The following NECTIN3 variants were observed in gnomAD, a reference collection of about 807,000 sequenced individuals.
NECTIN3 encodes the protein nectin cell adhesion molecule 3.
NECTIN3 carries 8 observed loss-of-function variants against 49.4 expected under a neutral mutation model. The ratio of observed to expected loss-of-function variants is 0.16; its 90% CI spans 0.10 to 0.29. The LOEUF (loss-of-function observed/expected upper bound fraction) is 0.29. Ranked by LOEUF, NECTIN3 falls within the 10% of genes least tolerant of loss-of-function variation. NECTIN3 has a pLI of 1.00. For synonymous variants in NECTIN3, 277 were observed against 241.1 expected (o/e 1.15, Z -1.38); for missense variants, 581 against 654.6 (o/e 0.89, Z 1.23).
At chr3:111,160,678 A>G (rs1285689153) in intron 7 of NECTIN3, among the ~76,000 whole-genome samples, 2 of 152,120 alleles carry the variant, frequency 1.3e-5, no homozygotes, top group Admixed American at 6.5e-5. Flanking sequence ...ATTATTTCTG[A>G]TGGAAAAATT....
chr3:111,094,509 T>G (rs1309647031), intron 1 of NECTIN3, among the ~76,000 whole-genome samples: 1 of 152,164 alleles, frequency 6.6e-6, no homozygotes, highest in Non-Finnish European at 1.5e-5. Flanking sequence ...ACCCTCAGAT[T>G]CAGTAATTCT....
chr3:111,178,827 A>G (rs968570244), intron 7 of NECTIN3, among the ~76,000 whole-genome samples: 2 of 152,226 alleles, frequency 1.3e-5, no homozygotes, highest in African/African-American at 4.8e-5. Flanking sequence ...TTGGAGTTAC[A>G]TAAAGATGAA....
At chr3:111,131,590 A>G (rs1284124918) in intron 5 of NECTIN3, among the ~76,000 whole-genome samples, 1 of 151,968 alleles carries the variant, frequency 6.6e-6, no homozygotes, top group African/African-American at 2.4e-5. Flanking sequence ...CATTTCTAGA[A>G]CCATCAACAA....
chr3:111,082,891 G>T (rs2031706822), intron 1 of NECTIN3, among the ~76,000 whole-genome samples: 1 of 152,130 alleles, frequency 6.6e-6, no homozygotes, highest in Non-Finnish European at 1.5e-5. Flanking sequence ...AGATCATCAG[G>T]CATTAGATTC....
At chr3:111,166,842 T>A (rs538334864) in intron 7 of NECTIN3, among the ~76,000 whole-genome samples, 1 of 152,218 alleles carries the variant, frequency 6.6e-6, no homozygotes, top group African/African-American at 2.4e-5. Flanking sequence ...CTATATACTA[T>A]GTATATGTGA....
At chr3:111,140,553 T>C (rs919507121), downstream of NECTIN3, among the ~76,000 whole-genome samples, 7 of 151,914 alleles carry the variant, frequency 4.6e-5, no homozygotes, top group South Asian at 2.1e-4. Context: ...TAAACTCTTA[T>C]TAGTATATAA....
At chr3:111,108,108 A>T (rs1296850690) in intron 1 of NECTIN3, among the ~76,000 whole-genome samples, 2 of 152,176 alleles carry the variant, frequency 1.3e-5, no homozygotes, top group Non-Finnish European at 2.9e-5. Context: ...TAGAAAGTAA[A>T]AATCACTTAT....
chr3:111,168,317 A>C (rs993956229), intron 7 of NECTIN3, among the ~76,000 whole-genome samples: 7 of 152,204 alleles, frequency 4.6e-5, no homozygotes, highest in African/African-American at 1.4e-4. Flanking sequence ...GGCAGAGAAG[A>C]AGCAGAAGAT....
At chr3:111,186,154 G>A (rs1401721686) in intron 7 of NECTIN3, among the ~76,000 whole-genome samples, 16 of 151,962 alleles carry the variant, frequency 1.1e-4, no homozygotes, top group Non-Finnish European at 2.1e-4. Flanking sequence ...GGATGTGACA[G>A]GGAAGCTGGG....
chr3:111,115,879 T>C (rs998814821), intron 2 of NECTIN3, among the ~76,000 whole-genome samples: 2 of 152,202 alleles, frequency 1.3e-5, no homozygotes, highest in African/African-American at 2.4e-5. Context: ...TGAACAGTAA[T>C]AGCTTTTGAA....
chr3:111,122,455 G>T (rs2033997220), intron 4 of NECTIN3, among the ~76,000 whole-genome samples: 1 of 151,936 alleles, frequency 6.6e-6, no homozygotes, highest in African/African-American at 2.4e-5. Flanking sequence ...GTTTCTTACG[G>T]TTAGTTACAG....
chr3:111,077,343 G>GAAAAAAAAA (rs2031279895), intron 1 of NECTIN3: 5 of 29,688 alleles, frequency 1.7e-4, no homozygotes, highest in Non-Finnish European at 1.7e-3. Context: ...AACTTTAATG[G>GAAAAAAAAA]TAAAAAAAAA....
chr3:111,120,216 T>C (rs1268589658), intron 3 of NECTIN3, among the ~76,000 whole-genome samples: 1 of 152,200 alleles, frequency 6.6e-6, no homozygotes, highest in African/African-American at 2.4e-5. Flanking sequence ...CTTTCCAGTG[T>C]CTAATAATGA....
chr3:111,177,681 T>C (rs1190893500), intron 7 of NECTIN3, among the ~76,000 whole-genome samples: 1 of 152,158 alleles, frequency 6.6e-6, no homozygotes, highest in Non-Finnish European at 1.5e-5. Context: ...TAAAATGGTA[T>C]GAGTGGGTAA....
intron 7 of NECTIN3, among the ~76,000 whole-genome samples, chr3:111,172,930 G>A (rs969739085): frequency 2.0e-5 from 3 of 152,194 alleles, no homozygotes; most frequent in Admixed American, 2.0e-4. Context: ...TGGATAAAAA[G>A]TGATAGAAGA....
intron 1 of NECTIN3, among the ~76,000 whole-genome samples, chr3:111,078,127 T>C (rs1411137124): frequency 1.3e-5 from 2 of 152,204 alleles, no homozygotes; most frequent in Non-Finnish European, 2.9e-5. Context: ...GCACTTTGTA[T>C]TCAAGTGTGA....
At chr3:111,112,813 T>G (rs1324757401) in intron 2 of NECTIN3, among the ~76,000 whole-genome samples, 1 of 152,178 alleles carries the variant, frequency 6.6e-6, no homozygotes. Flanking sequence ...TCCTGCTATT[T>G]TAGATTTGCA....
At position 111,072,002 on chromosome 3, in the gene NECTIN3, G is replaced by C; in HGVS notation, c.-16G>C. ...CGGGGGGCGGGCGGGCGAGCGGGCC[G>C]GGGGGAGGGTGGGGGATGGCGCGGA... On this transcript the variant is annotated 5_prime_UTR_variant, in exon 1 of 6. Transcript: ENST00000485303. The C allele has an allele frequency of 6.8e-7, 1 of 1,472,432 alleles. No homozygotes were observed. 91.2% of individuals were successfully genotyped at this position (1,472,432 alleles called of 1,614,324 possible).
At position 111,072,009 on chromosome 3, in the gene NECTIN3, G is replaced by A; in HGVS notation, c.-9G>A. ...CGGGCGGGCGAGCGGGCCGGGGGGA[G>A]GGTGGGGGATGGCGCGGACCCTGCG... On this transcript the variant is annotated 5_prime_UTR_variant, in exon 1 of 6. Coordinates refer to ENST00000485303, the MANE Select transcript of NECTIN3 (RefSeq NM_015480.3). 4 of 1,496,982 alleles carry A rather than the reference G, an allele frequency of 2.7e-6. No individual in the cohort carries two copies. Among genetic ancestry groups the A allele is most frequent in the Non-Finnish European group, 3.6e-6 (4 of 1,122,066 alleles). 92.7% of individuals were successfully genotyped at this position (1,496,982 alleles called of 1,614,324 possible).
Sources: allele counts gnomAD v4.1 joint callset (sites outside exome capture counted in the v4.1 genomes callset), GRCh38; gene constraint gnomAD v4.1.1; transcripts MANE v1.5; gene names NCBI Gene and HGNC (gene_info 2026-07-23, HGNC 2026-07-21).